Variants in PCDHGA11 observed in about 807,000 individuals in gnomAD.
PCDHGA11 encodes protocadherin gamma-A11.
PCDHGA11 carries 39 observed loss-of-function variants against 60.4 expected under a neutral mutation model. The observed-to-expected ratio is 0.65, with a 90% CI of 0.50 to 0.84. The LOEUF is 0.84. PCDHGA11 is among the 40% of genes least tolerant of loss of function. The pLI is 0.00. For synonymous variants in PCDHGA11, 533 were observed against 510.3 expected (o/e 1.04, Z -0.60); for missense variants, 1,165 against 1,197.7 (o/e 0.97, Z 0.40).
chr5:141,469,595 CAAAAT>C (rs919167679), intron 1 of PCDHGA11, among the ~76,000 whole-genome samples: 3 of 151,998 alleles, frequency 2.0e-5, no homozygotes, highest in Admixed American at 6.6e-5. Context: ...ATAAATAAAA[CAAAAT>C]AAGTAAAATA....
chr5:141,438,629 T>C (rs1162332421), intron 1 of PCDHGA11, among the ~76,000 whole-genome samples: 9 of 48,096 alleles, frequency 1.9e-4, no homozygotes, highest in Admixed American at 6.4e-4. Context: ...TATATATATA[T>C]ATATATACAC....
intron 1 of PCDHGA11, among the ~76,000 whole-genome samples, chr5:141,453,479 A>G (rs1345415084): frequency 1.3e-5 from 2 of 152,082 alleles, no homozygotes; most frequent in Non-Finnish European, 2.9e-5. Context: ...AGTCAAAACT[A>G]TTAAAAAAAG....
intron 2 of PCDHGA11, among the ~76,000 whole-genome samples, chr5:141,497,893 C>T (rs1194262199): frequency 6.6e-6 from 1 of 152,132 alleles, no homozygotes; most frequent in Non-Finnish European, 1.5e-5. Flanking sequence ...GGATCTAGTC[C>T]AGTAACTTCA....
intron 1 of PCDHGA11, among the ~76,000 whole-genome samples, chr5:141,469,667 T>C (rs62379201): frequency 0.22 from 32,952 of 152,218 alleles, 3,707 homozygotes; most frequent in African/African-American, 0.28. Flanking sequence ...CTTGTTCTAA[T>C]AAAACTACAT....
chr5:141,500,189 TTTATTTATTTATTTATTTA>T (rs2099797567), intron 2 of PCDHGA11, among the ~76,000 whole-genome samples: 1 of 110,894 alleles, frequency 9.0e-6, no homozygotes, highest in Non-Finnish European at 1.8e-5. Flanking sequence ...TTTATTTTTA[TTTATTTATTTATTTATTTA>T]TTTATTTATT....
intron 1 of PCDHGA11, chr5:141,433,354 T>C: frequency 1.7e-6 from 1 of 602,322 alleles, no homozygotes; most frequent in Non-Finnish European, 2.9e-6. Flanking sequence ...CCACCTACTG[T>C]CTGCCTATCT....
intron 1 of PCDHGA11, among the ~76,000 whole-genome samples, chr5:141,456,882 G>A (rs1039329600): frequency 6.6e-6 from 1 of 152,156 alleles, no homozygotes; most frequent in Non-Finnish European, 1.5e-5. Context: ...AGAATCGCTT[G>A]AACCCGGGAG....
chr5:141,505,418 A>T lies in PCDHGA11; in HGVS notation c.2518A>T (p.Thr840Ser). 1 of 1,614,186 alleles carries T rather than the reference A, an allele frequency of 6.2e-7. No homozygotes were observed. Among genetic ancestry groups the T allele is most frequent in the East Asian group, 2.2e-5 (1 of 44,876 alleles). The change falls in exon 3 of 4, where the codon ACC becomes TCC. Residue 840 changes from threonine to serine, a missense_variant. By Grantham distance (58) the Thr-to-Ser change is moderately conservative. Coordinates refer to ENST00000398587, the MANE Select transcript of PCDHGA11 (RefSeq NM_018914.3). ...SGSQNGDDTG[T>S]WPNNQFDTEM... ...CTCCCAAAATGGCGATGACACCGGC[A>T]CCTGGCCCAACAACCAGTTTGACAC...
chr5:141,427,817 G>A, intron 1 of PCDHGA11: 2 of 1,528,134 alleles, frequency 1.3e-6, no homozygotes, highest in Non-Finnish European at 1.8e-6. Flanking sequence ...AGAGCGGGGT[G>A]GTGGTCGCGC....
At position 141,485,122 on chromosome 5, in the gene PCDHGA11, G is replaced by A. The variant is rs1000179570; in HGVS notation, c.2434-9685G>A. The A allele has an allele frequency of 1.4e-6, 2 of 1,387,624 alleles. No individual in the cohort carries two copies. The highest frequency in any genetic ancestry group is 1.4e-5 in the African/African-American group (1 of 70,566). 86.0% of individuals were successfully genotyped at this position (1,387,624 alleles called of 1,614,324 possible). A position where few individuals can be genotyped will look rare whatever the true frequency, so the allele number is the denominator to read the frequency against. Reference sequence around the variant, plus strand: ...CAGCTGCTGTGGCTGTTTGGGGCGGGTCGGCTTCATCCGCGTCTCAGGAGC... The same window carrying A: ...CAGCTGCTGTGGCTGTTTGGGGCGGATCGGCTTCATCCGCGTCTCAGGAGC... On this transcript the variant is annotated intron_variant, in intron 1 of 3. Coordinates refer to ENST00000398587, the MANE Select transcript of PCDHGA11 (RefSeq NM_018914.3). The surrounding 1 kb of genome is among the most constrained non-coding windows in gnomAD (Gnocchi z 5.7).
In PCDHGA11 at chr5:141,476,962, C is replaced by A. The variant is rs2099402286; in HGVS notation, c.2434-17845C>A. On this transcript the variant is annotated intron_variant, in intron 1 of 3. Coordinates refer to ENST00000398587, the MANE Select transcript of PCDHGA11 (RefSeq NM_018914.3). This position sits in a 1 kb window ranked among gnomAD's most constrained non-coding sequence, Gnocchi z 7.6. ...GCCCCAACGGTGAAATTATTTACTCCTTCGGCAGCCACAACCGCGCCGGCG... is the reference window on the plus strand; with the variant it reads ...GCCCCAACGGTGAAATTATTTACTCATTCGGCAGCCACAACCGCGCCGGCG... 2 of 1,614,200 alleles carry A rather than the reference C, an allele frequency of 1.2e-6. No individual in the cohort carries two copies. The highest frequency in any genetic ancestry group is 1.7e-6 in the Non-Finnish European group (2 of 1,180,042).
rs561908431 is a variant in PCDHGA11, at chr5:141,510,639, TATC to T, written c.2582-304_2582-302del. Among the ~76,000 whole-genome samples the T allele has an allele frequency of 8.5e-3, 1,289 of 152,298 alleles. 6 individuals carry two copies. Among genetic ancestry groups the T allele is most frequent in the Middle Eastern group, 0.058 (17 of 294 alleles). On this transcript the variant is annotated intron_variant, in intron 3 of 3. Transcript: ENST00000398587. ...TAAAACCAGAAGAGGTGGTTACCAT[TATC>T]ATCCCCATTTTGCAGATGAGAAAAC...
In PCDHGA11 at chr5:141,476,877, T is replaced by C. The variant is rs2099400648; in HGVS notation, c.2434-17930T>C. ...CAGTCCTTGTACCGGGCGCGCGTCC[T>C]GGAGGATGCACCCTCCGGCACGCGC... On this transcript the variant is annotated intron_variant, in intron 1 of 3. Transcript: ENST00000398587. This position sits in a 1 kb window ranked among gnomAD's most constrained non-coding sequence, Gnocchi z 7.6. 4.3e-6 allele frequency: 7 copies of C among 1,613,954 alleles called. No homozygotes were observed. The highest frequency in any genetic ancestry group is 5.9e-6 in the Non-Finnish European group (7 of 1,180,038).
intron 1 of PCDHGA11, among the ~76,000 whole-genome samples, chr5:141,424,906 A>T (rs1417615946): frequency 5.9e-5 from 9 of 152,212 alleles, no homozygotes. Context: ...GATCACAGGA[A>T]TCATTTCCAT....
At chr5:141,509,887 T>C (rs138950510) in intron 3 of PCDHGA11, among the ~76,000 whole-genome samples, 1 of 152,314 alleles carries the variant, frequency 6.6e-6, no homozygotes, top group East Asian at 1.9e-4. Flanking sequence ...TGATGGTGAC[T>C]GACTGTCCCT....
rs115001531 is a variant in PCDHGA11, at chr5:141,495,385, G to A, written c.2492+520G>A. Among the ~76,000 whole-genome samples the A allele has an allele frequency of 2.2e-3, 339 of 152,328 alleles. 1 individual carries two copies. Among genetic ancestry groups the A allele is most frequent in the African/African-American group, 7.9e-3 (329 of 41,590 alleles). ...AGGTGGAACTGAGGAAGGACTGGGC[G>A]GGGCATGGAGCAGGCCCCCTTCTCC... On this transcript the variant is annotated intron_variant, in intron 2 of 3. Transcript: ENST00000398587.
At chr5:141,462,271 G>C (rs2099036316) in intron 1 of PCDHGA11, among the ~76,000 whole-genome samples, 1 of 152,174 alleles carries the variant, frequency 6.6e-6, no homozygotes, top group African/African-American at 2.4e-5. Context: ...AAAGTGTATT[G>C]TTTAGTCACC....
rs190955361 is a variant in PCDHGA11, at chr5:141,486,090, G to A, written c.2434-8717G>A. On this transcript the variant is annotated intron_variant, in intron 1 of 3. Transcript: ENST00000398587. The surrounding 1 kb of genome is among the most constrained non-coding windows in gnomAD (Gnocchi z 5.0). ...ACTACTGGAAAGCTTACTCTTTTGG[G>A]GCCCCTAGACTTTGAGAGTGAGAAT... 3 of 1,614,086 alleles carry A rather than the reference G, an allele frequency of 1.9e-6. No homozygotes were observed. The highest frequency in any genetic ancestry group is 1.6e-4 in the Middle Eastern group (1 of 6,062).
chr5:141,425,371 G>T (rs1396857898), intron 1 of PCDHGA11, among the ~76,000 whole-genome samples: 3 of 152,186 alleles, frequency 2.0e-5, no homozygotes, highest in African/African-American at 7.2e-5. Context: ...AGAGGGTTAT[G>T]TTGATTCGGA....
Sources: allele counts gnomAD v4.1 joint callset (sites outside exome capture counted in the v4.1 genomes callset), GRCh38; gene constraint gnomAD v4.1.1; non-coding constraint Gnocchi (gnomAD v3.1); transcripts MANE v1.5; gene names NCBI Gene and HGNC (gene_info 2026-07-23, HGNC 2026-07-21).